The following CEP250 variants were observed in gnomAD, a reference collection of about 807,000 sequenced individuals.
The protein encoded by CEP250 is centrosome-associated protein CEP250.
Under a neutral mutation model 315.7 loss-of-function variants are expected in CEP250, and 242 were observed. That is an observed-to-expected ratio of 0.77 (90% CI 0.69 to 0.85). CEP250 has a LOEUF of 0.85. CEP250 is among the 40% of genes least tolerant of loss of function. The pLI is 0.00. For synonymous variants in CEP250, 1,088 were observed against 1,175.0 expected (o/e 0.93, Z 1.51); for missense variants, 2,515 against 2,886.4 (o/e 0.87, Z 2.95).
rs1011793949 is a variant in CEP250, at chr20:35,480,214, G to C, written c.2586+69G>C. On this transcript the variant is annotated intron_variant, in intron 20 of 34. Transcript: ENST00000397527. ...GCTCTACCTGCTGCCTCTTGGTCCA[G>C]TTATTGCTGCTCGTATGAGTGAAAT... is the stretch of plus-strand genomic sequence containing the variant. 124 of 1,453,814 alleles carry C rather than the reference G, an allele frequency of 8.5e-5. No individual in the cohort carries two copies. The African/African-American group carries it at 1.4e-3, about 16-fold the overall frequency. 90.1% of individuals were successfully genotyped at this position (1,453,814 alleles called of 1,614,324 possible).
chr20:35,473,759 A>G, intron 13 of CEP250, 111 bp from the exon 14 acceptor site: 1 of 1,115,846 alleles, frequency 9.0e-7, no homozygotes, highest in Non-Finnish European at 1.3e-6. Flanking sequence ...GTTTCGCACT[A>G]GAAACAGAAG....
Position 35,511,934 on chromosome 20 carries a change from A to C in CEP250, c.*308A>C. The C allele has an allele frequency of 5.2e-6, 6 of 1,153,142 alleles. No homozygotes were observed. Among genetic ancestry groups the C allele is most frequent in the Non-Finnish European group, 5.3e-6 (5 of 937,050 alleles). 71.4% of individuals were successfully genotyped at this position (1,153,142 alleles called of 1,614,324 possible). ...TTCCTAGCACTTCACCACCTCCTTC[A>C]TCTTCTCCTTCAACAATAAACCCTG... On this transcript the variant is annotated 3_prime_UTR_variant, in exon 35 of 35. Coordinates refer to ENST00000397527, the MANE Select transcript of CEP250 (RefSeq NM_007186.6).
intron 9 of CEP250, among the ~76,000 whole-genome samples, chr20:35,468,875 C>A (rs1399455899): frequency 2.0e-5 from 3 of 151,960 alleles, no homozygotes; most frequent in Admixed American, 2.0e-4. Flanking sequence ...CGGGGTCTCA[C>A]TATGTTTCCC....
chr20:35,498,676 A>G lies in CEP250; in HGVS notation c.3737A>G (p.His1246Arg), dbSNP rs889761733. 5.6e-6 allele frequency: 9 copies of G among 1,604,480 alleles called. No homozygotes were observed. Among genetic ancestry groups the G allele is most frequent in the Non-Finnish European group, 7.6e-6 (9 of 1,177,236 alleles). The change falls in exon 27 of 35, where the codon CAC becomes CGC. Residue 1246 changes from histidine to arginine, a missense_variant. By Grantham distance (29) the His-to-Arg change is conservative. Transcript: ENST00000397527. The stretch of plus-strand genomic sequence containing the variant: ...GCTGAGGCAGTAGCATCTGCCCTCC[A>G]CAAGCTTCATCAAGACCTGTGGAAG... ...LSAEAVASAL[H>R]KLHQDLWKTQ...
intron 24 of CEP250, among the ~76,000 whole-genome samples, chr20:35,495,649 G>T (rs2063815981): frequency 6.6e-6 from 1 of 152,160 alleles, no homozygotes; most frequent in African/African-American, 2.4e-5. Flanking sequence ...TACTTGGAAG[G>T]CTGAGGCAGG....
Position 35,504,282 on chromosome 20 carries a change from C to G in CEP250, c.5913C>G (p.Gly1971=), listed in dbSNP as rs1426241834. 6.3e-7 allele frequency: 1 copy of G among 1,589,360 alleles called. No homozygotes were observed. The highest frequency in any genetic ancestry group is 8.6e-7 in the Non-Finnish European group (1 of 1,168,410). Reference sequence around the variant, plus strand: ...CTGAGGCTCTGCAGGAGGCCCTTGGCAAGGCTCATGCTGCCCTGCAGGGGA... The same window carrying G: ...CTGAGGCTCTGCAGGAGGCCCTTGGGAAGGCTCATGCTGCCCTGCAGGGGA... ...ARAEALQEAL[G]KAHAALQGKE... The change falls in exon 30 of 35, where the codon GGC becomes GGG. Residue 1971 remains glycine, a synonymous_variant. Transcript: ENST00000397527.
chr20:35,502,545 T>C lies in CEP250; in HGVS notation c.4176T>C (p.Asn1392=). Residue 1392 remains asparagine (N), a synonymous_variant, in exon 30 of 35, where the codon AAT becomes AAC. Transcript: ENST00000397527. ...RTARSALKLK[N]EEVESERERA... ...CTCGCTCAGCACTGAAGCTGAAAAA[T>C]GAGGAAGTAGAGAGTGAGCGTGAGA... is the stretch of plus-strand genomic sequence containing the variant. 6.2e-7 allele frequency: 1 copy of C among 1,613,596 alleles called. No individual in the cohort carries two copies. The highest frequency in any genetic ancestry group is 8.5e-7 in the Non-Finnish European group (1 of 1,179,912).
In CEP250 at chr20:35,504,686, A is replaced by C. The variant is rs2064132099; in HGVS notation, c.6317A>C (p.Lys2106Thr). ...VRELQLTLAQKEQEILELRET... is the reference protein window; with the variant it reads ...VRELQLTLAQTEQEILELRET... ...GAGCTACAGCTGACTCTAGCCCAAA[A>C]GGAACAGGAGATTCTGGAGCTGAGG... Residue 2106 changes from lysine to threonine, a missense_variant, in exon 30 of 35, where the codon AAG becomes ACG. Physicochemically the swap from Lys to Thr is moderately conservative, Grantham distance 78. Transcript: ENST00000397527. The C allele has an allele frequency of 6.2e-7, 1 of 1,614,206 alleles. No individual in the cohort carries two copies. Among genetic ancestry groups the C allele is most frequent in the South Asian group, 1.1e-5 (1 of 91,090 alleles).
chr20:35,495,740 A>T (rs1240399163), intron 24 of CEP250, among the ~76,000 whole-genome samples: 1 of 151,940 alleles, frequency 6.6e-6, no homozygotes, highest in Non-Finnish European at 1.5e-5. Context: ...ACAGAACGAG[A>T]CTCCATCTCA....
At chr20:35,471,666 T>C (rs2063026774) in intron 10 of CEP250, among the ~76,000 whole-genome samples, 1 of 152,218 alleles carries the variant, frequency 6.6e-6, no homozygotes, top group Non-Finnish European at 1.5e-5. Flanking sequence ...AATAATAGTT[T>C]ACATTTATTG....
At chr20:35,479,933 A>G in intron 19 of CEP250, 43 bp from the exon 20 acceptor site, 6 of 1,604,934 alleles carry the variant, frequency 3.7e-6, no homozygotes, top group Non-Finnish European at 5.1e-6. Context: ...TTTATTAGGT[A>G]AAAGGAGGGG....
Position 35,503,106 on chromosome 20 carries a change from G to T in CEP250, c.4737G>T (p.Leu1579=), listed in dbSNP as rs772730293. The T allele has an allele frequency of 3.0e-5, 49 of 1,614,052 alleles. 1 individual carries two copies. In the African/African-American group the frequency reaches 6.5e-4, roughly 22 times the overall value. Residue 1579 remains leucine (L), a synonymous_variant, in exon 30 of 35, where the codon CTG becomes CTT. Coordinates refer to ENST00000397527, the MANE Select transcript of CEP250 (RefSeq NM_007186.6). This position sits in a 1 kb window ranked among gnomAD's most constrained non-coding sequence, Gnocchi z 4.2. ...MECQQKLIKE[L]EGQRETQRVA... ...GCCAGCAAAAACTGATCAAGGAGCTGGAGGGCCAGAGGGAAACCCAGAGAG... is the reference window on the plus strand; with the variant it reads ...GCCAGCAAAAACTGATCAAGGAGCTTGAGGGCCAGAGGGAAACCCAGAGAG...
chr20:35,465,882 A>T, intron 6 of CEP250, 57 bp downstream of exon 6: 1 of 1,545,484 alleles, frequency 6.5e-7, no homozygotes, highest in Non-Finnish European at 8.8e-7. Flanking sequence ...GAGAAGGCTG[A>T]TGGGAAACTT....
At chr20:35,485,057 A>T (rs1443245738) in intron 20 of CEP250, among the ~76,000 whole-genome samples, 1 of 111,304 alleles carries the variant, frequency 9.0e-6, no homozygotes, top group African/African-American at 3.7e-5. Flanking sequence ...GCAAGACCCT[A>T]TCTCTTTAAA....
In CEP250 at chr20:35,469,925, A is replaced by G; in HGVS notation, c.887A>G (p.Gln296Arg). ...CTCTCTGCTCTGTTGACCCAGTCTC[A>G]GAAGCAAAATGAAGATTATGAAAAG... ...TELSALLTQSQKQNEDYEKMI... is the reference protein window; with the variant it reads ...TELSALLTQSRKQNEDYEKMI... The change falls in exon 10 of 35, where the codon CAG becomes CGG. Residue 296 changes from glutamine (Q) to arginine (R), a missense_variant. By Grantham distance (43) the Gln-to-Arg change is conservative. Transcript: ENST00000397527. 1 of 1,613,888 alleles carries G rather than the reference A, an allele frequency of 6.2e-7. No homozygotes were observed. The highest frequency in any genetic ancestry group is 8.5e-7 in the Non-Finnish European group (1 of 1,179,824).
rs376171278 is a variant in CEP250 at position 35,512,251 on chromosome 20, G to A, written c.*625G>A. ...AACTGTAGAAATTCCAGGGGCTGAG[G>A]AAGGGAGGCACGAACTGGCCCTTGA... On this transcript the variant is annotated 3_prime_UTR_variant, in exon 35 of 35. Transcript: ENST00000397527. 5.7e-4 allele frequency: 95 copies of A among 167,208 alleles called. No individual in the cohort carries two copies. Among genetic ancestry groups the A allele is most frequent in the African/African-American group, 2.2e-3 (93 of 41,872 alleles). 10.4% of individuals were successfully genotyped at this position (167,208 alleles called of 1,614,324 possible). A position where few individuals can be genotyped will look rare whatever the true frequency, so the allele number is the denominator to read the frequency against.
chr20:35,507,959 T>A (rs1368409438), intron 31 of CEP250, 76 bp from the exon 32 acceptor site: 1 of 1,602,266 alleles, frequency 6.2e-7, no homozygotes, highest in Non-Finnish European at 8.5e-7. Context: ...CCTGCCAGAT[T>A]GGTCTGTGTG....
chr20:35,502,626 G>C lies in CEP250; in HGVS notation c.4257G>C (p.Leu1419=). 6.2e-7 allele frequency: 1 copy of C among 1,614,270 alleles called. No individual in the cohort carries two copies. Among genetic ancestry groups the C allele is most frequent in the Non-Finnish European group, 8.5e-7 (1 of 1,180,052 alleles). Residue 1419 remains leucine (L), a synonymous_variant, in exon 30 of 35, where the codon CTG becomes CTC. Transcript: ENST00000397527. The stretch of plus-strand genomic sequence containing the variant: ...TGAAGGTGGCCCAAGGGAAGGCTCT[G>C]CAAGAGAATTTGGCCCTCCTGACCC... The part of the protein sequence containing the change: ...GELKVAQGKA[L]QENLALLTQT...
At position 35,498,605 on chromosome 20, in the gene CEP250, A is replaced by G. The variant is rs2063913916; in HGVS notation, c.3666A>G (p.Gly1222=). 6.2e-7 allele frequency: 1 copy of G among 1,604,682 alleles called. No homozygotes were observed. Among genetic ancestry groups the G allele is most frequent in the Non-Finnish European group, 8.5e-7 (1 of 1,177,578 alleles). Reference sequence around the variant, plus strand: ...TCCTCATTTTTTCAGACCAGAATGGAGCTAGGAGCCTCTTTAAGAGAGGGC... The same window carrying G: ...TCCTCATTTTTTCAGACCAGAATGGGGCTAGGAGCCTCTTTAAGAGAGGGC... The part of the protein sequence containing the change: ...SVWGLEPDQN[G]ARSLFKRGPL... The change falls in exon 27 of 35, where the codon GGA becomes GGG. Residue 1222 remains glycine (G), a synonymous_variant. Transcript: ENST00000397527.
Sources: gnomAD v4.1 joint callset for allele counts (sites outside exome capture counted in the v4.1 genomes callset) on GRCh38, gnomAD v4.1.1 for gene constraint, Gnocchi (gnomAD v3.1) non-coding constraint, MANE v1.5 for transcripts, NCBI Gene and HGNC (gene_info 2026-07-23, HGNC 2026-07-21) for gene names.